SPMIP7: variants seen among roughly 807,000 people sequenced by gnomAD.
SPMIP7 encodes the protein protein SPMIP7.
At chr7:50,136,202 C>T in the SPMIP7 span, 3 of 1,403,986 alleles carry the variant, frequency 2.1e-6, no homozygotes, top group East Asian at 5.0e-5. Flanking sequence ...CACTAGGTTT[C>T]TCACTATCAT....
the SPMIP7 span, among the ~76,000 whole-genome samples, chr7:50,138,919 T>C: frequency 6.6e-6 from 1 of 152,154 alleles, no homozygotes; most frequent in Non-Finnish European, 1.5e-5. Flanking sequence ...TTGAACCATA[T>C]CTAAAAATGA....
chr7:50,136,828 A>G, the SPMIP7 span, among the ~76,000 whole-genome samples: 1 of 152,142 alleles, frequency 6.6e-6, no homozygotes, highest in African/African-American at 2.4e-5. Context: ...ACAACCCACA[A>G]CACAGGTTAT....
chr7:50,157,963 A>G, the SPMIP7 span, among the ~76,000 whole-genome samples: 562 of 152,364 alleles, frequency 3.7e-3, 1 homozygote, highest in Middle Eastern at 0.014. Flanking sequence ...TACTGGGTAT[A>G]CAAGCAAAGT....
At chr7:50,101,470 C>T in the SPMIP7 span, among the ~76,000 whole-genome samples, 1 of 152,116 alleles carries the variant, frequency 6.6e-6, no homozygotes, top group Non-Finnish European at 1.5e-5. Context: ...TCTTCTGAAT[C>T]CTGGGAGAGA....
the SPMIP7 span, among the ~76,000 whole-genome samples, chr7:50,127,789 CT>C: frequency 1.3e-5 from 2 of 151,718 alleles, no homozygotes; most frequent in Non-Finnish European, 2.9e-5. Context: ...GTTAAAATGT[CT>C]TTTATCAAAA....
At chr7:50,150,193 A>T in the SPMIP7 span, among the ~76,000 whole-genome samples, 1 of 152,164 alleles carries the variant, frequency 6.6e-6, no homozygotes, top group South Asian at 2.1e-4. Flanking sequence ...GATATAACCA[A>T]GGCAGCCATT....
chr7:50,127,271 G>T, the SPMIP7 span, among the ~76,000 whole-genome samples: 1 of 151,996 alleles, frequency 6.6e-6, no homozygotes, highest in Non-Finnish European at 1.5e-5. Context: ...ATGGGTTAAA[G>T]ATTTAAGTCT....
At chr7:50,125,094 G>A in the SPMIP7 span, among the ~76,000 whole-genome samples, 2 of 73,816 alleles carry the variant, frequency 2.7e-5, no homozygotes, top group Non-Finnish European at 3.0e-5. Context: ...GTGAGATTAA[G>A]TATATATATA....
chr7:50,118,008 A>G, the SPMIP7 span, among the ~76,000 whole-genome samples: 4 of 152,330 alleles, frequency 2.6e-5, no homozygotes, highest in African/African-American at 9.6e-5. Context: ...CTGAGTATCA[A>G]AGGAATTCCC....
the SPMIP7 span, among the ~76,000 whole-genome samples, chr7:50,157,548 A>G: frequency 6.6e-6 from 1 of 152,258 alleles, no homozygotes; most frequent in African/African-American, 2.4e-5. Context: ...GTATTTATAT[A>G]AAGCAAAATA....
the SPMIP7 span, among the ~76,000 whole-genome samples, chr7:50,100,444 T>A: frequency 1.3e-5 from 2 of 152,230 alleles, no homozygotes; most frequent in African/African-American, 4.8e-5. Context: ...AGTTTATTAA[T>A]TGGGGAGAGG....
chr7:50,156,220 A>G, the SPMIP7 span, among the ~76,000 whole-genome samples: 1 of 152,204 alleles, frequency 6.6e-6, no homozygotes, highest in African/African-American at 2.4e-5. Flanking sequence ...ATCAAAAAGT[A>G]TCACTCTGAT....
chr7:50,152,535 T>G, the SPMIP7 span, among the ~76,000 whole-genome samples: 1 of 152,264 alleles, frequency 6.6e-6, no homozygotes, highest in African/African-American at 2.4e-5. Flanking sequence ...TGTCTAGTTG[T>G]TGGCCCAGTG....
the SPMIP7 span, among the ~76,000 whole-genome samples, chr7:50,139,636 G>A: frequency 6.6e-6 from 1 of 152,158 alleles, no homozygotes; most frequent in South Asian, 2.1e-4. Context: ...ATGTGGGTTA[G>A]TCAGCACTGC....
the SPMIP7 span, among the ~76,000 whole-genome samples, chr7:50,102,712 T>C: frequency 6.6e-6 from 1 of 152,132 alleles, no homozygotes; most frequent in African/African-American, 2.4e-5. Flanking sequence ...ATCATCATTA[T>C]CATCATCATG....
the SPMIP7 span, among the ~76,000 whole-genome samples, chr7:50,104,006 C>T: frequency 2.0e-5 from 3 of 151,986 alleles, no homozygotes; most frequent in Non-Finnish European, 4.4e-5. Context: ...ATAACCAGAC[C>T]CCTCTTGTGT....
At chr7:50,152,282 G>A in the SPMIP7 span, among the ~76,000 whole-genome samples, 8 of 152,068 alleles carry the variant, frequency 5.3e-5, no homozygotes, top group Non-Finnish European at 7.4e-5. Flanking sequence ...GGGAGGTGGC[G>A]GTTGCTGTGA....
At chr7:50,117,066 C>CA in the SPMIP7 span, among the ~76,000 whole-genome samples, 1 of 152,206 alleles carries the variant, frequency 6.6e-6, no homozygotes, top group Non-Finnish European at 1.5e-5. Flanking sequence ...CTAATGGCCT[C>CA]ACCATTGGGT....
the SPMIP7 span, among the ~76,000 whole-genome samples, chr7:50,101,283 C>G: frequency 6.6e-6 from 1 of 152,218 alleles, no homozygotes; most frequent in Non-Finnish European, 1.5e-5. Flanking sequence ...ATCTCAGTCA[C>G]TATCCTGTGA....
Sources: allele counts gnomAD v4.1 joint callset (sites outside exome capture counted in the v4.1 genomes callset), GRCh38; gene constraint gnomAD v4.1.1; transcripts MANE v1.5; gene names NCBI Gene and HGNC (gene_info 2026-07-23, HGNC 2026-07-21).